ARHGEF9: variants seen among roughly 807,000 people sequenced by gnomAD.
The protein encoded by ARHGEF9 is Cdc42 guanine nucleotide exchange factor 9, also known as rho guanine nucleotide exchange factor 9.
ARHGEF9 carries 2 observed loss-of-function variants against 41.3 expected under a neutral mutation model. The observed-to-expected ratio is 0.05, with a 90% CI of 0.02 to 0.15. The LOEUF is 0.15. Ranked by LOEUF, ARHGEF9 falls within the 10% of genes least tolerant of loss-of-function variation. ARHGEF9 has a pLI of 1.00. For missense variants in ARHGEF9, 225 were observed against 424.7 expected, an observed-to-expected ratio of 0.53 and a Z score of 4.13; for synonymous variants, 160 against 154.4, an observed-to-expected ratio of 1.04 and a Z score of -0.27.
chrX:63,666,449 T>TACACAC (rs782141996), intron 6 of ARHGEF9, among the ~76,000 whole-genome samples: 28 of 19,843 alleles, frequency 1.4e-3, no homozygotes, highest in Middle Eastern at 0.029. Flanking sequence ...CATATATATA[T>TACACAC]ACATACACAC....
chrX:63,771,358 G>C (rs1363892974), intron 1 of ARHGEF9, among the ~76,000 whole-genome samples: 1 of 111,735 alleles, frequency 8.9e-6, no homozygotes, highest in African/African-American at 3.3e-5. Flanking sequence ...CCAATGACTG[G>C]ATATTATCAT....
At chrX:63,724,403 TA>T in intron 2 of ARHGEF9, 128 bp downstream of exon 2, 8 of 791,449 alleles carry the variant, frequency 1.0e-5, no homozygotes, top group Non-Finnish European at 1.1e-5. Flanking sequence ...GAGACAATTT[TA>T]AAAAAAGGAA....
Position 63,637,982 on chromosome X carries a change from T to A in ARHGEF9, c.*46A>T. On this transcript the variant is annotated 3_prime_UTR_variant, in exon 10 of 10. Transcript: ENST00000671741. ...CCGAAAAAAGGTCCATCTATAAATA[T>A]AATTTTATTTACTTTATTTTAAAAT... The A allele has an allele frequency of 9.0e-7, 1 of 1,115,689 alleles. No homozygotes were observed. The highest frequency in any genetic ancestry group is 1.2e-6 in the Non-Finnish European group (1 of 835,012). 91.9% of individuals were successfully genotyped at this position (1,115,689 alleles called of 1,213,427 possible).
chrX:63,681,114 G>C lies in ARHGEF9; in HGVS notation c.583-2542C>G, dbSNP rs575652100. Among the ~76,000 whole-genome samples, 8 of 111,607 alleles carry C rather than the reference G, an allele frequency of 7.2e-5. No homozygotes were observed. The South Asian group carries it at 3.1e-3, about 43-fold the overall frequency. ...ACAGGTGCCTTGGCAAAGGGACTCA[G>C]CACAGGAGCCTTTGCATTCTCTAGG... On this transcript the variant is annotated intron_variant, in intron 4 of 9. Transcript: ENST00000671741.
At chrX:63,714,044 A>G (rs1199863805) in intron 2 of ARHGEF9, among the ~76,000 whole-genome samples, 3 of 112,059 alleles carry the variant, frequency 2.7e-5, no homozygotes, top group African/African-American at 9.7e-5. Flanking sequence ...ACAAAAAGAG[A>G]AAAAGAAAAG....
intron 1 of ARHGEF9, among the ~76,000 whole-genome samples, chrX:63,781,980 A>C (rs1317200530): frequency 4.5e-5 from 5 of 112,028 alleles, no homozygotes; most frequent in Non-Finnish European, 9.4e-5. Context: ...TCTTTGCTCA[A>C]ATGCCCCTTA....
chrX:63,644,093 CCTTA>C (rs782217458), intron 8 of ARHGEF9, 45 bp from the exon 9 acceptor site: 16 of 997,698 alleles, frequency 1.6e-5, no homozygotes, highest in African/African-American at 7.6e-5. Flanking sequence ...AAACACACAC[CCTTA>C]CTGAGTGTAT....
In ARHGEF9 at chrX:63,635,039, G is replaced by T; in HGVS notation, c.*2989C>A. 2 of 259,683 alleles carry T rather than the reference G, an allele frequency of 7.7e-6. No homozygotes were observed. Among genetic ancestry groups the T allele is most frequent in the Non-Finnish European group, 1.3e-5 (2 of 149,693 alleles). The allele number at this position is 259,683 out of a possible 1,213,427, so 21.4% of individuals were successfully genotyped here. On this transcript the variant is annotated 3_prime_UTR_variant, in exon 10 of 10. Coordinates refer to ENST00000671741, the MANE Select transcript of ARHGEF9 (RefSeq NM_001353921.2). ...TTTGTGTCATTACAACATTTTTTTTGTTAAACATTTTTTAACACACAACTT... is the reference window on the plus strand; with the variant it reads ...TTTGTGTCATTACAACATTTTTTTTTTTAAACATTTTTTAACACACAACTT...
rs3051724 is a variant in ARHGEF9, at chrX:63,774,045, ATATCTATCTATCTATC to A, written c.30+11055_30+11070del. Among the ~76,000 whole-genome samples, 379 of 99,044 alleles carry A rather than the reference ATATCTATCTATCTATC, an allele frequency of 3.8e-3. 1 individual carries two copies. Among genetic ancestry groups the A allele is most frequent in the African/African-American group, 0.011 (303 of 26,484 alleles). The allele number at this position is 99,044 out of a possible 115,157, so 86.0% of individuals were successfully genotyped here. A position where few individuals can be genotyped will look rare whatever the true frequency, so the allele number is the denominator to read the frequency against. ...CATAATCATGAGCAAATCCATTATA[ATATCTATCTATCTATC>A]TATCTATCTATCTATCTATCTATCT... is the stretch of plus-strand genomic sequence containing the variant. On this transcript the variant is annotated intron_variant, in intron 1 of 9. Coordinates refer to ENST00000671741, the MANE Select transcript of ARHGEF9 (RefSeq NM_001353921.2).
chrX:63,753,846 G>C (rs1602714688), intron 1 of ARHGEF9, among the ~76,000 whole-genome samples: 1 of 111,961 alleles, frequency 8.9e-6, no homozygotes, highest in Admixed American at 9.4e-5. Context: ...ACACACCCGT[G>C]TCACTTCCCA....
intron 2 of ARHGEF9, among the ~76,000 whole-genome samples, chrX:63,714,374 C>A (rs1556408832): frequency 8.9e-6 from 1 of 112,507 alleles, no homozygotes. Flanking sequence ...AACAGCCCTG[C>A]AAGGCAGGCA....
intron 2 of ARHGEF9, among the ~76,000 whole-genome samples, chrX:63,716,966 C>T (rs190575814): frequency 8.9e-6 from 1 of 112,264 alleles, no homozygotes; most frequent in Non-Finnish European, 1.9e-5. Context: ...TAACAGTAAG[C>T]TATGCTTACT....
At chrX:63,711,697 C>T (rs1556407001) in intron 2 of ARHGEF9, among the ~76,000 whole-genome samples, 1 of 111,637 alleles carries the variant, frequency 9.0e-6, no homozygotes. Context: ...TTATAAAAGT[C>T]ATTAAAGAAA....
chrX:63,754,875 C>A (rs2055868229), intron 1 of ARHGEF9: 4 of 936,779 alleles, frequency 4.3e-6, no homozygotes, highest in Non-Finnish European at 5.3e-6. Flanking sequence ...TCGGGCGCCA[C>A]GGGAAAGGCA....
intron 8 of ARHGEF9, among the ~76,000 whole-genome samples, chrX:63,654,515 T>G (rs1488195416): frequency 8.9e-6 from 1 of 111,849 alleles, no homozygotes. Flanking sequence ...AGTTATTAAT[T>G]TGCACTCTAC....
At chrX:63,640,553 C>A (rs1307254907) in intron 9 of ARHGEF9, 1 of 112,034 alleles carries the variant, frequency 8.9e-6, no homozygotes, top group Admixed American at 9.5e-5. Context: ...GTTTATGTAC[C>A]AGGAATTAGC....
chrX:63,680,602 G>A (rs1462810057), intron 4 of ARHGEF9, among the ~76,000 whole-genome samples: 3 of 112,418 alleles, frequency 2.7e-5, no homozygotes, highest in African/African-American at 6.5e-5. Flanking sequence ...GTGATCTGCC[G>A]TGGCCTCTTT....
At chrX:63,754,450 G>T (rs782051778) in intron 1 of ARHGEF9, 495 of 1,146,036 alleles carry the variant, frequency 4.3e-4, no homozygotes, top group Middle Eastern at 1.4e-3. Flanking sequence ...AAATCAAAGC[G>T]AGAGTTCGCG....
chrX:63,763,759 G>A (rs187875820), intron 1 of ARHGEF9, among the ~76,000 whole-genome samples: 1 of 111,580 alleles, frequency 9.0e-6, no homozygotes, highest in East Asian at 2.8e-4. Flanking sequence ...ACAGGGGTAG[G>A]TTTTCATGAG....
Sources: gnomAD v4.1 joint callset for allele counts (sites outside exome capture counted in the v4.1 genomes callset) on GRCh38, gnomAD v4.1.1 for gene constraint, MANE v1.5 for transcripts, NCBI Gene and HGNC (gene_info 2026-07-23, HGNC 2026-07-21) for gene names.